PTCHD4: variants seen among roughly 807,000 people sequenced by gnomAD.
PTCHD4 encodes the protein patched domain containing 4.
In PTCHD4, 33 loss-of-function variants were observed where a neutral mutation model predicts 58.1. That is an observed-to-expected ratio of 0.57 (90% confidence interval 0.43 to 0.76). PTCHD4 has a LOEUF of 0.76. Ranked by LOEUF, PTCHD4 falls within the 30% of genes least tolerant of loss-of-function variation. The probability of loss-of-function intolerance (pLI) is 0.00; values close to 1 mark genes in which losing one functional copy is unlikely to be tolerated. For synonymous variants in PTCHD4, 478 were observed against 409.6 expected (o/e 1.17, Z -2.02); for missense variants, 1,058 against 1,027.1 (o/e 1.03, Z -0.41).
chr6:47,900,523 A>T (rs987837282), intron 4 of PTCHD4: 1 of 152,212 alleles, frequency 6.6e-6, no homozygotes, highest in African/African-American at 2.4e-5. Context: ...CAAGTCTCTT[A>T]TAAGATAGAT....
chr6:48,086,885 T>C (rs1174739174), intron 1 of PTCHD4, among the ~76,000 whole-genome samples: 1 of 152,218 alleles, frequency 6.6e-6, no homozygotes, highest in Non-Finnish European at 1.5e-5. Flanking sequence ...ACTTTTGTTA[T>C]TCTTGTTCTT....
intron 4 of PTCHD4, among the ~76,000 whole-genome samples, chr6:47,946,085 C>A (rs915168915): frequency 6.6e-6 from 1 of 151,914 alleles, no homozygotes. Context: ...AAATATGATA[C>A]TGATTCTTTG....
chr6:47,953,964 A>G (rs77841839), intron 4 of PTCHD4, among the ~76,000 whole-genome samples: 1 of 152,154 alleles, frequency 6.6e-6, no homozygotes, highest in African/African-American at 2.4e-5. Context: ...TATTTTTTTA[A>G]CTAATTAAAC....
intron 1 of PTCHD4, among the ~76,000 whole-genome samples, chr6:48,072,967 T>C (rs1453856002): frequency 6.6e-6 from 1 of 152,120 alleles, no homozygotes; most frequent in Non-Finnish European, 1.5e-5. Flanking sequence ...CTGTTAAAAG[T>C]CAATGCCAAA....
intron 4 of PTCHD4, 101 bp from the exon 5 acceptor site, chr6:47,880,037 T>C: frequency 1.1e-6 from 1 of 928,132 alleles, no homozygotes; most frequent in Non-Finnish European, 1.6e-6. Context: ...CTTTATACTC[T>C]AATCTTCAAA....
chr6:47,865,257 T>C lies in PTCHD4; in HGVS notation c.*13046A>G, dbSNP rs1763531510. ...TTTATGTTCCTAAGATATTCGTTTC[T>C]TCCTCTTTGACTCATCTTTTATTTA... On this transcript the variant is annotated 3_prime_UTR_variant, in exon 5 of 5. Coordinates refer to ENST00000339488, the MANE Select transcript of PTCHD4 (RefSeq NM_001384253.1). Among the ~76,000 whole-genome samples the C allele has an allele frequency of 6.6e-6, 1 of 151,966 alleles. No homozygotes were observed. The highest frequency in any genetic ancestry group is 1.5e-5 in the Non-Finnish European group (1 of 67,930).
At chr6:47,983,262 C>T (rs1273072026) in intron 4 of PTCHD4, among the ~76,000 whole-genome samples, 2 of 151,962 alleles carry the variant, frequency 1.3e-5, no homozygotes, top group Non-Finnish European at 2.9e-5. Flanking sequence ...TTTGTTCCTG[C>T]AGTAGAAAAA....
intron 4 of PTCHD4, among the ~76,000 whole-genome samples, chr6:47,909,354 T>C (rs1451211030): frequency 2.0e-5 from 3 of 152,050 alleles, no homozygotes; most frequent in Non-Finnish European, 2.9e-5. Flanking sequence ...TAACCTAAAA[T>C]GGGGAAATTG....
At chr6:48,057,117 A>G (rs948378476) in intron 3 of PTCHD4, among the ~76,000 whole-genome samples, 1 of 151,668 alleles carries the variant, frequency 6.6e-6, no homozygotes, top group Non-Finnish European at 1.5e-5. Flanking sequence ...CTGAAGCCAC[A>G]TGGGTGCTGT....
At chr6:48,039,293 C>T (rs1763758336) in intron 3 of PTCHD4, among the ~76,000 whole-genome samples, 1 of 152,022 alleles carries the variant, frequency 6.6e-6, no homozygotes, top group Non-Finnish European at 1.5e-5. Context: ...TAGCAAGGAA[C>T]ATATACTATA....
intron 4 of PTCHD4, among the ~76,000 whole-genome samples, chr6:47,906,077 T>C (rs956213820): frequency 6.6e-6 from 1 of 152,200 alleles, no homozygotes; most frequent in African/African-American, 2.4e-5. Flanking sequence ...CCAAATAAAG[T>C]TGAAATACTT....
intron 1 of PTCHD4, among the ~76,000 whole-genome samples, chr6:48,099,317 C>T (rs1375133656): frequency 1.3e-5 from 2 of 152,184 alleles, no homozygotes; most frequent in Non-Finnish European, 2.9e-5. Flanking sequence ...AGCAGGCCAT[C>T]TAGCCACTTT....
chr6:48,086,211 A>G, intron 1 of PTCHD4, among the ~76,000 whole-genome samples: 1 of 152,226 alleles, frequency 6.6e-6, no homozygotes, highest in Admixed American at 6.5e-5. Context: ...GTGTAAACAA[A>G]TGAGCAGCGT....
chr6:47,857,841 TTAACATC>T lies in PTCHD4; in HGVS notation c.*20455_*20461del, dbSNP rs374076071. Among the ~76,000 whole-genome samples, 647 of 152,114 alleles carry T rather than the reference TTAACATC, an allele frequency of 4.3e-3. 5 individuals are homozygous for T. The highest frequency in any genetic ancestry group is 0.014 in the African/African-American group (561 of 41,532). ...AACATTCTTTTTACAAGCTGGTACT[TTAACATC>T]TACCTCCCAAAGTTAATTTCATTAT... On this transcript the variant is annotated 3_prime_UTR_variant, in exon 5 of 5. Coordinates refer to ENST00000339488, the MANE Select transcript of PTCHD4 (RefSeq NM_001384253.1).
At chr6:47,956,287 T>C (rs1001680535) in intron 4 of PTCHD4, among the ~76,000 whole-genome samples, 1 of 152,340 alleles carries the variant, frequency 6.6e-6, no homozygotes, top group East Asian at 1.9e-4. Context: ...TTAAGTACTT[T>C]AGAAATATTT....
At chr6:47,913,413 C>A (rs1218932624) in intron 4 of PTCHD4, among the ~76,000 whole-genome samples, 2 of 152,030 alleles carry the variant, frequency 1.3e-5, no homozygotes, top group Non-Finnish European at 2.9e-5. Flanking sequence ...TCCCAATCCT[C>A]ATTTCCAGAA....
intron 1 of PTCHD4, among the ~76,000 whole-genome samples, chr6:48,087,398 T>C (rs1765284517): frequency 6.6e-6 from 1 of 152,182 alleles, no homozygotes; most frequent in Admixed American, 6.5e-5. Context: ...ATAACAAATT[T>C]CATAAACAAA....
At chr6:48,035,457 T>C (rs1271595486) in intron 3 of PTCHD4, among the ~76,000 whole-genome samples, 1 of 152,124 alleles carries the variant, frequency 6.6e-6, no homozygotes, top group Non-Finnish European at 1.5e-5. Flanking sequence ...TCAGAAATTA[T>C]ATTAAAAAAT....
intron 4 of PTCHD4, among the ~76,000 whole-genome samples, chr6:47,959,018 T>C (rs1766978470): frequency 6.6e-6 from 1 of 152,134 alleles, no homozygotes; most frequent in African/African-American, 2.4e-5. Context: ...CAAAAATACA[T>C]AGATTTCAAC....
Sources: allele counts gnomAD v4.1 joint callset (sites outside exome capture counted in the v4.1 genomes callset), GRCh38; gene constraint gnomAD v4.1.1; transcripts MANE v1.5; gene names NCBI Gene and HGNC (gene_info 2026-07-23, HGNC 2026-07-21).